Variants in CLTCL1 observed in about 807,000 individuals in gnomAD.
The protein encoded by CLTCL1 is clathrin heavy chain 2.
In CLTCL1, 159 loss-of-function variants were observed where a neutral mutation model predicts 190.0. That is an observed-to-expected ratio of 0.84 (90% CI 0.74 to 0.95). The LOEUF (loss-of-function observed/expected upper bound fraction) is 0.95, where lower values mean the gene tolerates loss of function less well. Among genes scored for constraint, CLTCL1 ranks in the 40% least tolerant of loss-of-function variants. The probability of loss-of-function intolerance (pLI) is 0.00; values close to 1 mark genes in which losing one functional copy is unlikely to be tolerated. For missense variants in CLTCL1, 1,878 were observed against 2,033.4 expected (o/e 0.92, Z 1.47); for synonymous variants, 752 against 769.6 (o/e 0.98, Z 0.38).
intron 19 of CLTCL1, among the ~76,000 whole-genome samples, chr22:19,211,930 T>C (rs181552247): frequency 6.6e-6 from 1 of 150,986 alleles, no homozygotes; most frequent in East Asian, 1.9e-4. Flanking sequence ...TATTTCTATA[T>C]ACTGACAATG....
In CLTCL1 at chr22:19,198,972, G is replaced by A. The variant is rs1176591220; in HGVS notation, c.3873+762C>T. Among the ~76,000 whole-genome samples the A allele has an allele frequency of 2.0e-5, 3 of 152,082 alleles. No individual in the cohort carries two copies. Among genetic ancestry groups the A allele is most frequent in the Non-Finnish European group, 1.5e-5 (1 of 68,028 alleles). On this transcript the variant is annotated intron_variant, in intron 24 of 32. Coordinates refer to ENST00000427926, the MANE Select transcript of CLTCL1 (RefSeq NM_007098.4). The surrounding 1 kb of genome is among the most constrained non-coding windows in gnomAD (Gnocchi z 4.1). ...TTCATTTCTCAGGCGCCTCTCTGGG[G>A]GTGGGAAAGCATTTCTCATTGAAAA...
chr22:19,242,959 GA>G, intron 3 of CLTCL1, 23 bp from the exon 4 acceptor site: 2 of 1,590,138 alleles, frequency 1.3e-6, no homozygotes, highest in South Asian at 1.1e-5. Flanking sequence ...ATTATGCAAT[GA>G]AAGGGAGAGA....
chr22:19,190,596 CA>C (rs55780206), intron 27 of CLTCL1, among the ~76,000 whole-genome samples: 859 of 72,750 alleles, frequency 0.012, 10 homozygotes, highest in South Asian at 0.061. Context: ...AAGACTGTCT[CA>C]AAAAAAAAAA....
intron 3 of CLTCL1, among the ~76,000 whole-genome samples, chr22:19,252,917 G>A (rs2086637960): frequency 6.6e-6 from 1 of 151,738 alleles, no homozygotes; most frequent in Non-Finnish European, 1.5e-5. Flanking sequence ...GGGAGGCTGA[G>A]GCAGGAGAAT....
intron 15 of CLTCL1, 70 bp downstream of exon 15, chr22:19,222,612 CCT>C (rs1219636848): frequency 2.0e-6 from 3 of 1,525,602 alleles, no homozygotes; most frequent in East Asian, 2.4e-5. Flanking sequence ...TTACAGGCAG[CCT>C]CTGAGGGGAA....
At chr22:19,217,868 A>G (rs1033406011) in intron 18 of CLTCL1, among the ~76,000 whole-genome samples, 1 of 150,694 alleles carries the variant, frequency 6.6e-6, no homozygotes, top group South Asian at 2.1e-4. Flanking sequence ...AAAAAAAAAA[A>G]GAAAGAAAGA....
At chr22:19,246,133 CA>C (rs1186011601) in intron 3 of CLTCL1, among the ~76,000 whole-genome samples, 4 of 152,148 alleles carry the variant, frequency 2.6e-5, no homozygotes, top group Admixed American at 6.6e-5. Context: ...GATCTTGGCT[CA>C]CTGCAAGCTC....
chr22:19,275,553 T>C (rs2087471466), intron 2 of CLTCL1, 70 bp downstream of exon 2: 9 of 1,434,468 alleles, frequency 6.3e-6, no homozygotes, highest in Non-Finnish European at 1.9e-6. Context: ...GTGACACTTG[T>C]TCAATATTTA....
chr22:19,280,459 T>G (rs2087666482), intron 1 of CLTCL1, among the ~76,000 whole-genome samples: 1 of 152,030 alleles, frequency 6.6e-6, no homozygotes, highest in Admixed American at 6.6e-5. Context: ...TATTCAGCCT[T>G]AAAAAGGAAG....
Position 19,226,335 on chromosome 22 carries a change from C to A in CLTCL1, c.1831G>T (p.Ala611Ser), listed in dbSNP as rs1555956086. ...TTCTCACAGAGCTGGGCAATGTGGG[C>A]CCGGTCGTAATGAGTAAACATTTTA... ...GNKMFTHYDR[A>S]HIAQLCEKAG... Residue 611 changes from alanine (A) to serine (S), a missense_variant, in exon 12 of 33, where the codon GCC (alanine) becomes TCC (serine). Transcript: ENST00000427926. The A allele has an allele frequency of 6.2e-7, 1 of 1,614,012 alleles. No individual in the cohort carries two copies. The highest frequency in any genetic ancestry group is 8.5e-7 in the Non-Finnish European group (1 of 1,179,896).
intron 19 of CLTCL1, among the ~76,000 whole-genome samples, chr22:19,214,139 A>G (rs1255706196): frequency 1.3e-5 from 2 of 152,202 alleles, no homozygotes; most frequent in Non-Finnish European, 2.9e-5. Flanking sequence ...TTTAGGGCTC[A>G]TAAGGAAGAG....
rs530688306 is a variant in CLTCL1, at chr22:19,222,204, A to T, written c.2419-111T>A. On this transcript the variant is annotated intron_variant, in intron 15 of 32. Coordinates refer to ENST00000427926, the MANE Select transcript of CLTCL1 (RefSeq NM_007098.4). ...AACCCTGAAAGGGCTCCTGTTTAGC[A>T]CTGCGCTGTGTCCCACCAAAATTCA... 1,001 of 1,092,566 alleles carry T rather than the reference A, an allele frequency of 9.2e-4. 3 individuals are homozygous for T. Among genetic ancestry groups the T allele is most frequent in the Non-Finnish European group, 1.2e-3 (865 of 740,588 alleles). 67.7% of individuals were successfully genotyped at this position (1,092,566 alleles called of 1,614,324 possible).
intron 1 of CLTCL1, among the ~76,000 whole-genome samples, chr22:19,283,224 C>T (rs2087784861): frequency 6.6e-6 from 1 of 151,466 alleles, no homozygotes; most frequent in African/African-American, 2.4e-5. Context: ...GATTCCTGAT[C>T]CCTAGTATAT....
rs1555971367 is a variant in CLTCL1 at position 19,254,087 on chromosome 22, T to G, written c.391A>C (p.Ser131Arg). 1 of 1,612,834 alleles carries G rather than the reference T, an allele frequency of 6.2e-7. No homozygotes were observed. The highest frequency in any genetic ancestry group is 1.7e-5 in the Admixed American group (1 of 59,778). ...LVTETAVYHW[S>R]MEGDSQPMKM... ...ATGGGCTGGGAGTCACCTTCCATGC[T>G]CCAGTGGTAGACCGCGGTCTCGGTC... Residue 131 changes from serine to arginine, a missense_variant, in exon 3 of 33, where the codon AGC (serine) becomes CGC (arginine). Physicochemically the swap from Ser to Arg is moderately radical, Grantham distance 110 (BLOSUM62 -1). Coordinates refer to ENST00000427926, the MANE Select transcript of CLTCL1 (RefSeq NM_007098.4).
At chr22:19,187,816 T>TGC in intron 28 of CLTCL1, 88 bp from the exon 29 acceptor site, 1 of 1,437,674 alleles carries the variant, frequency 7.0e-7, no homozygotes, top group Non-Finnish European at 9.7e-7. Flanking sequence ...TTGATGGCTG[T>TGC]TGCTATCAGC....
At chr22:19,234,058 G>A (rs1425069943) in intron 7 of CLTCL1, among the ~76,000 whole-genome samples, 1 of 152,156 alleles carries the variant, frequency 6.6e-6, no homozygotes, top group Non-Finnish European at 1.5e-5. Context: ...TCCAGTCTCT[G>A]AACAATTTAT....
At chr22:19,232,999 T>C (rs1489988807) in intron 9 of CLTCL1, among the ~76,000 whole-genome samples, 167 bp downstream of exon 9, 1 of 152,150 alleles carries the variant, frequency 6.6e-6, no homozygotes, top group Non-Finnish European at 1.5e-5. Flanking sequence ...AATAAAAAGC[T>C]GAAGAGAATA....
At chr22:19,252,569 T>A (rs576470267) in intron 3 of CLTCL1, among the ~76,000 whole-genome samples, 21 of 152,278 alleles carry the variant, frequency 1.4e-4, no homozygotes, top group Non-Finnish European at 2.4e-4. Context: ...ATGTGACAGT[T>A]CCTTAATTAC....
intron 3 of CLTCL1, among the ~76,000 whole-genome samples, chr22:19,248,547 T>C (rs150118831): frequency 7.9e-4 from 120 of 152,270 alleles, no homozygotes; most frequent in African/African-American, 2.1e-3. Context: ...TAGCATTCAA[T>C]CCTCATTCCT....
Sources: allele counts gnomAD v4.1 joint callset (sites outside exome capture counted in the v4.1 genomes callset), GRCh38; gene constraint gnomAD v4.1.1; non-coding constraint Gnocchi (gnomAD v3.1); transcripts MANE v1.5; gene names NCBI Gene and HGNC (gene_info 2026-07-23, HGNC 2026-07-21).